Variants in TMCO6 observed in about 807,000 individuals in gnomAD.
TMCO6 encodes the protein transmembrane and coiled-coil domains 6.
A neutral mutation model predicts 61.8 loss-of-function variants in TMCO6; 47 were observed. The observed-to-expected ratio is 0.76, with a 90% confidence interval of 0.60 to 0.97. The LOEUF is 0.97. Among genes scored for constraint, TMCO6 ranks in the 50% least tolerant of loss-of-function variants. The probability of loss-of-function intolerance (pLI) is 0.00; values close to 1 mark genes in which losing one functional copy is unlikely to be tolerated. For missense variants in TMCO6, 557 were observed against 601.6 expected, an observed-to-expected ratio of 0.93 and a Z score of 0.78; for synonymous variants, 261 against 254.2, an observed-to-expected ratio of 1.03 and a Z score of -0.25.
the TMCO6 span, among the ~76,000 whole-genome samples, chr5:140,620,274 T>G: frequency 1.3e-5 from 2 of 152,174 alleles, no homozygotes; most frequent in African/African-American, 4.8e-5. Flanking sequence ...AAGCCAATCT[T>G]AAAATAATAC....
chr5:140,632,707 G>A, the TMCO6 span: 2 of 1,613,610 alleles, frequency 1.2e-6, no homozygotes, highest in Non-Finnish European at 1.7e-6. The surrounding 1 kb of genome is among the most constrained non-coding windows in gnomAD (Gnocchi z 6.2). Flanking sequence ...ACTGTGAGCC[G>A]CCGCACGCGG....
At position 140,643,654 on chromosome 5, in the gene TMCO6, C is replaced by T. The variant is rs373201785; in HGVS notation, c.897C>T (p.Thr299=). 1.6e-5 allele frequency: 26 copies of T among 1,612,816 alleles called. No homozygotes were observed. Among genetic ancestry groups the T allele is most frequent in the Middle Eastern group, 1.6e-4 (1 of 6,080 alleles). ...LLDLAGAVQK[T]EDAGLELLAC... ...ACTTGGCTGGGGCTGTCCAGAAAACCGAGGATGCAGGACTGGAGCTGGTAG... is the reference window on the plus strand; with the variant it reads ...ACTTGGCTGGGGCTGTCCAGAAAACTGAGGATGCAGGACTGGAGCTGGTAG... The change falls in exon 8 of 12, where the codon ACC becomes ACT. Residue 299 remains threonine, a synonymous_variant. Transcript: ENST00000394671.
At chr5:140,617,745 A>AAAG in the TMCO6 span, among the ~76,000 whole-genome samples, 1 of 150,128 alleles carries the variant, frequency 6.7e-6, no homozygotes, top group African/African-American at 2.5e-5. Context: ...AAAAAAAAAA[A>AAAG]AAACTCAAGG....
At chr5:140,639,327 G>C (rs542838994), upstream of TMCO6, 2 of 586,960 alleles carry the variant, frequency 3.4e-6, no homozygotes, top group Admixed American at 6.1e-5. Context: ...GTGGTGCAGC[G>C]TCTCTAGCCC....
In TMCO6 at chr5:140,645,144, C is replaced by G. The variant is rs758159633; in HGVS notation, c.*46C>G. The G allele has an allele frequency of 2.5e-6, 4 of 1,578,514 alleles. No individual in the cohort carries two copies. The Admixed American group carries it at 6.7e-5, about 26-fold the overall frequency. ...CATTCCCCTCTCTCTTAACATCAAG[C>G]TTGTTTGTCCAGTAGAGCCTTTGGA... On this transcript the variant is annotated 3_prime_UTR_variant, in exon 12 of 12. Transcript: ENST00000394671.
At chr5:140,602,721 G>A in the TMCO6 span, among the ~76,000 whole-genome samples, 1 of 151,790 alleles carries the variant, frequency 6.6e-6, no homozygotes, top group Non-Finnish European at 1.5e-5. Context: ...CCAACATCAT[G>A]CCACTGCACT....
chr5:140,628,494 A>C, the TMCO6 span, among the ~76,000 whole-genome samples: 5 of 151,458 alleles, frequency 3.3e-5, no homozygotes, highest in Admixed American at 3.3e-4. Flanking sequence ...GCTAGAGTGT[A>C]GTGGTGAGAT....
chr5:140,647,029 G>A (rs1757441954), downstream of TMCO6: 1 of 505,742 alleles, frequency 2.0e-6, no homozygotes, highest in Non-Finnish European at 3.4e-6. Context: ...GTCAGCTCCT[G>A]GTCCCTACGC....
chr5:140,628,505 C>A, the TMCO6 span, among the ~76,000 whole-genome samples: 32 of 151,838 alleles, frequency 2.1e-4, no homozygotes, highest in African/African-American at 7.5e-4. Context: ...GTGGTGAGAT[C>A]TCAGCTCACT....
the TMCO6 span, among the ~76,000 whole-genome samples, chr5:140,627,792 A>C: frequency 6.6e-6 from 1 of 150,964 alleles, no homozygotes; most frequent in African/African-American, 2.4e-5. Context: ...GCTACTCAGG[A>C]GGCTGAGGCA....
chr5:140,636,831 CTTAA>C (rs1340865792), upstream of TMCO6, among the ~76,000 whole-genome samples: 2 of 152,182 alleles, frequency 1.3e-5, no homozygotes, highest in African/African-American at 4.8e-5. Flanking sequence ...TAGATTTGTA[CTTAA>C]TTGAACCTTT....
the TMCO6 span, among the ~76,000 whole-genome samples, chr5:140,617,064 A>AT: frequency 2.0e-5 from 3 of 152,000 alleles, no homozygotes; most frequent in East Asian, 3.9e-4. Context: ...AAAAAAAAAA[A>AT]GTCAAAGTAC....
chr5:140,609,647 C>CAAAA, the TMCO6 span, among the ~76,000 whole-genome samples: 63 of 142,088 alleles, frequency 4.4e-4, 4 homozygotes, highest in Non-Finnish European at 5.8e-4. Context: ...TCATACACAC[C>CAAAA]AAAAAAAAAA....
chr5:140,621,140 T>G, the TMCO6 span, among the ~76,000 whole-genome samples: 1 of 152,172 alleles, frequency 6.6e-6, no homozygotes, highest in Admixed American at 6.5e-5. Flanking sequence ...ACCCACTGCC[T>G]CTCTTGGAAT....
At chr5:140,610,259 A>G in the TMCO6 span, among the ~76,000 whole-genome samples, 1 of 148,338 alleles carries the variant, frequency 6.7e-6, no homozygotes, top group East Asian at 2.0e-4. Flanking sequence ...CAGGAGGCTG[A>G]GGCAGGAGAA....
At chr5:140,643,113 C>G in intron 7 of TMCO6, 72 bp downstream of exon 7, 2 of 1,600,152 alleles carry the variant, frequency 1.2e-6, no homozygotes, top group Non-Finnish European at 1.7e-6. Context: ...ACTCTTTGAA[C>G]TTGTGTCTGG....
chr5:140,604,783 T>A, the TMCO6 span, among the ~76,000 whole-genome samples: 1 of 150,268 alleles, frequency 6.7e-6, no homozygotes, highest in Non-Finnish European at 1.5e-5. Flanking sequence ...CATTTCTCTT[T>A]TTTTTTTTTT....
chr5:140,613,374 T>G, the TMCO6 span, among the ~76,000 whole-genome samples: 4 of 107,156 alleles, frequency 3.7e-5, no homozygotes, highest in Non-Finnish European at 3.4e-5. Flanking sequence ...GGCAACAGAG[T>G]GAGACTCTGA....
chr5:140,638,748 G>A (rs959334293), upstream of TMCO6: 4 of 152,120 alleles, frequency 2.6e-5, no homozygotes, highest in East Asian at 7.7e-4. Context: ...GTAAAGATGG[G>A]GTTTCACCAT....
Sources: gnomAD v4.1 joint callset for allele counts (sites outside exome capture counted in the v4.1 genomes callset) on GRCh38, gnomAD v4.1.1 for gene constraint, Gnocchi (gnomAD v3.1) non-coding constraint, MANE v1.5 for transcripts, NCBI Gene and HGNC (gene_info 2026-07-23, HGNC 2026-07-21) for gene names.